Variants in JMJD1C observed in about 807,000 individuals in gnomAD.
JMJD1C encodes jumonji domain containing 1C.
JMJD1C carries 31 observed loss-of-function variants against 245.3 expected under a neutral mutation model. The observed-to-expected ratio is 0.13, with a 90% CI of 0.09 to 0.17. The LOEUF is 0.17. Ranked by LOEUF, JMJD1C falls within the 10% of genes least tolerant of loss-of-function variation. The probability of loss-of-function intolerance (pLI) is 1.00; values close to 1 mark genes in which losing one functional copy is unlikely to be tolerated. For synonymous variants in JMJD1C, 1,057 were observed against 1,017.4 expected (o/e 1.04, Z -0.74); for missense variants, 2,691 against 3,000.2 (o/e 0.90, Z 2.41).
In JMJD1C at chr10:63,190,927, A is replaced by T; in HGVS notation, c.6258T>A (p.Ile2086=). The T allele has an allele frequency of 6.2e-7, 1 of 1,614,078 alleles. No homozygotes were observed. Among genetic ancestry groups the T allele is most frequent in the Non-Finnish European group, 8.5e-7 (1 of 1,179,938 alleles). The change falls in exon 17 of 26, where the codon ATT becomes ATA. Residue 2086 remains isoleucine (I), a synonymous_variant. Coordinates refer to ENST00000399262, the MANE Select transcript of JMJD1C (RefSeq NM_032776.3). The stretch of plus-strand genomic sequence containing the variant: ...CCATTGAATATACTGGGGCAAAGGC[A>T]ATGCCAGCATCTGTAGACCCCACAC... The part of the protein sequence containing the change: ...KLRVGSTDAG[I]AFAPVYSMGA...
intron 1 of JMJD1C, among the ~76,000 whole-genome samples, chr10:63,420,734 A>G (rs975195673): frequency 2.0e-5 from 3 of 151,358 alleles, no homozygotes; most frequent in African/African-American, 7.3e-5. Context: ...AAAAAAAAAA[A>G]AGGAGGCTGG....
At chr10:63,186,495 G>A in intron 18 of JMJD1C, 112 bp from the exon 19 acceptor site, 2 of 802,528 alleles carry the variant, frequency 2.5e-6, no homozygotes, top group South Asian at 2.0e-5. Context: ...CTGGAGAGCA[G>A]TGGCCTCATC....
intron 2 of JMJD1C, among the ~76,000 whole-genome samples, chr10:63,292,469 C>T (rs1858892491): frequency 1.3e-5 from 2 of 151,328 alleles, no homozygotes; most frequent in Admixed American, 1.3e-4. Flanking sequence ...AAATTAGCTA[C>T]ACATGGTGTT....
chr10:63,269,834 T>C (rs538843079), intron 2 of JMJD1C, among the ~76,000 whole-genome samples: 3 of 152,314 alleles, frequency 2.0e-5, no homozygotes, highest in Non-Finnish European at 2.9e-5. Context: ...TTATATAATA[T>C]AGTCTCTTAA....
At chr10:63,416,345 G>GT (rs10640079) in intron 1 of JMJD1C, among the ~76,000 whole-genome samples, 62,479 of 147,008 alleles carry the variant, frequency 0.43, 13,638 homozygotes, top group South Asian at 0.54. Context: ...ATTTATCTTA[G>GT]TTTTTTTTTT....
At chr10:63,425,900 T>C (rs1406797885) in intron 1 of JMJD1C, among the ~76,000 whole-genome samples, 3 of 152,200 alleles carry the variant, frequency 2.0e-5, no homozygotes, top group Non-Finnish European at 4.4e-5. Context: ...TTTGGAGATA[T>C]GCAAAGGCCA....
chr10:63,425,773 C>A (rs1288241628), intron 1 of JMJD1C, among the ~76,000 whole-genome samples: 1 of 152,074 alleles, frequency 6.6e-6, no homozygotes, highest in African/African-American at 2.4e-5. Context: ...CAGAGCAACA[C>A]CCTGTTTCAA....
chr10:63,323,157 T>G (rs1178350187), intron 2 of JMJD1C, among the ~76,000 whole-genome samples: 1 of 152,146 alleles, frequency 6.6e-6, no homozygotes, highest in Non-Finnish European at 1.5e-5. Context: ...ATGACAGCTA[T>G]GATGGACAGG....
intron 1 of JMJD1C, among the ~76,000 whole-genome samples, chr10:63,428,988 G>T (rs1194857824): frequency 1.3e-5 from 2 of 151,426 alleles, no homozygotes; most frequent in Admixed American, 6.6e-5. Context: ...TTCTTTTGGT[G>T]GGGGGGAGGG....
chr10:63,497,273 A>C (rs1047711959), intron 1 of JMJD1C, among the ~76,000 whole-genome samples: 7 of 152,228 alleles, frequency 4.6e-5, no homozygotes, highest in Admixed American at 2.0e-4. Flanking sequence ...AAGTGGAAAC[A>C]ACCCAAATAT....
chr10:63,239,340 T>TA (rs1232474041), intron 3 of JMJD1C, among the ~76,000 whole-genome samples: 6 of 152,114 alleles, frequency 3.9e-5, no homozygotes, highest in Non-Finnish European at 8.8e-5. Flanking sequence ...ATGGGAGCCT[T>TA]ACGATAGAGG....
intron 2 of JMJD1C, among the ~76,000 whole-genome samples, chr10:63,343,390 A>T (rs1943546493): frequency 1.3e-5 from 2 of 151,602 alleles, no homozygotes; most frequent in East Asian, 1.9e-4. Context: ...AAAAAAAAAC[A>T]GATTTTAATG....
intron 2 of JMJD1C, among the ~76,000 whole-genome samples, chr10:63,327,726 T>C (rs1313211270): frequency 1.3e-5 from 2 of 151,908 alleles, no homozygotes; most frequent in African/African-American, 4.8e-5. Flanking sequence ...TGGAGGGCAA[T>C]GGCGCAATCT....
At chr10:63,494,423 AT>A (rs1177660016) in intron 1 of JMJD1C, among the ~76,000 whole-genome samples, 12 of 152,204 alleles carry the variant, frequency 7.9e-5, no homozygotes, top group Admixed American at 7.9e-4. Context: ...TAAGTTAAAA[AT>A]GTCATCATAT....
chr10:63,180,935 A>G (rs1001018571), intron 22 of JMJD1C, among the ~76,000 whole-genome samples: 3 of 151,880 alleles, frequency 2.0e-5, no homozygotes, highest in African/African-American at 7.3e-5. Flanking sequence ...CGCCCGGCTA[A>G]TTTTTTGTAT....
At chr10:63,428,790 T>C (rs894211393) in intron 1 of JMJD1C, among the ~76,000 whole-genome samples, 1 of 152,246 alleles carries the variant, frequency 6.6e-6, no homozygotes, top group African/African-American at 2.4e-5. Flanking sequence ...CCTTGACTTT[T>C]ATCTAAGTAT....
chr10:63,368,948 C>T (rs560149124), intron 2 of JMJD1C, among the ~76,000 whole-genome samples: 1 of 151,786 alleles, frequency 6.6e-6, no homozygotes, highest in Admixed American at 6.6e-5. Context: ...ACGCCCAGCC[C>T]CTTATAGAAA....
chr10:63,439,579 T>G (rs1951245183), intron 1 of JMJD1C, among the ~76,000 whole-genome samples: 1 of 152,176 alleles, frequency 6.6e-6, no homozygotes, highest in Non-Finnish European at 1.5e-5. Flanking sequence ...TTGAGGAGGA[T>G]ATTTCTATTG....
intron 1 of JMJD1C, among the ~76,000 whole-genome samples, chr10:63,498,404 GCC>G (rs1954428690): frequency 6.6e-6 from 1 of 151,752 alleles, no homozygotes; most frequent in Admixed American, 6.6e-5. Context: ...TTTTATTTTT[GCC>G]CCTAGTGAAA....
Sources: allele counts gnomAD v4.1 joint callset (sites outside exome capture counted in the v4.1 genomes callset), GRCh38; gene constraint gnomAD v4.1.1; transcripts MANE v1.5; gene names NCBI Gene and HGNC (gene_info 2026-07-23, HGNC 2026-07-21).